Variants in SRP14 observed in about 807,000 individuals in gnomAD.
SRP14 encodes signal recognition particle 14 kDa protein.
A neutral mutation model predicts 16.0 loss-of-function variants in SRP14; 1 was observed. The ratio of observed to expected loss-of-function variants is 0.06; its 90% CI spans 0.02 to 0.30. The LOEUF (loss-of-function observed/expected upper bound fraction) is 0.30. Among genes scored for constraint, SRP14 ranks in the 10% least tolerant of loss-of-function variants. SRP14 has a pLI of 1.00. For synonymous variants in SRP14, 67 were observed against 60.1 expected (o/e 1.12, Z -0.53); for missense variants, 120 against 163.1 (o/e 0.74, Z 1.44).
At chr15:40,039,041 C>A (rs1308402527) in intron 1 of SRP14, 52 bp downstream of exon 1, 1 of 1,606,472 alleles carries the variant, frequency 6.2e-7, no homozygotes, top group Non-Finnish European at 8.5e-7. Context: ...GCACAGGTCT[C>A]GAGTAACGCC....
At chr15:40,038,223 A>G in intron 3 of SRP14, 59 bp downstream of exon 3, 1 of 1,378,152 alleles carries the variant, frequency 7.3e-7, no homozygotes, top group Non-Finnish European at 1.0e-6. Context: ...GAAACGCCCC[A>G]TCCTCTGTTA....
At chr15:40,037,081 C>A in intron 3 of SRP14, 63 bp from the exon 4 acceptor site, 1 of 1,554,576 alleles carries the variant, frequency 6.4e-7, no homozygotes. Flanking sequence ...TTCTCCACCC[C>A]AGATAGTATC....
Position 40,036,288 on chromosome 15 carries a change from T to C in SRP14, c.*45A>G, listed in dbSNP as rs935950622. On this transcript the variant is annotated 3_prime_UTR_variant, in exon 5 of 5. Coordinates refer to ENST00000267884, the MANE Select transcript of SRP14 (RefSeq NM_003134.6). ...TAGCTATCTGGCCAAAAGGAAAAAA[T>C]AGCAATTCAGTGGTTAATTGGTGAA... The C allele has an allele frequency of 2.4e-5, 38 of 1,604,674 alleles. No homozygotes were observed. The highest frequency in any genetic ancestry group is 3.0e-5 in the Non-Finnish European group (35 of 1,172,540).
In SRP14 at chr15:40,039,121, G is replaced by T; in HGVS notation, c.-5C>A. 1.9e-6 allele frequency: 3 copies of T among 1,611,120 alleles called. No individual in the cohort carries two copies. The highest frequency in any genetic ancestry group is 2.5e-6 in the Non-Finnish European group (3 of 1,179,148). On this transcript the variant is annotated 5_prime_UTR_variant, in exon 1 of 5. Transcript: ENST00000267884. ...CTCGCTCTCCAACAACACCATCGCG[G>T]CGACGCTGGCTCGACTCCCTCCGCT...
chr15:40,036,530 G>A (rs2035626365), intron 4 of SRP14, 30 bp from the exon 5 acceptor site: 2 of 1,600,298 alleles, frequency 1.2e-6, no homozygotes. Flanking sequence ...ATACCTTAGT[G>A]GGAAGATGTG....
At chr15:40,038,194 CAAAT>C (rs1051759438) in intron 3 of SRP14, 84 bp downstream of exon 3, 100 of 1,107,226 alleles carry the variant, frequency 9.0e-5, no homozygotes, top group Middle Eastern at 5.8e-4. Flanking sequence ...AAGGGAAAAA[CAAAT>C]AAAAGCCTGG....
At chr15:40,036,870 A>C in intron 4 of SRP14, 116 bp downstream of exon 4, 1 of 1,187,610 alleles carries the variant, frequency 8.4e-7, no homozygotes, top group Non-Finnish European at 1.2e-6. Context: ...CTTGAAACAT[A>C]CTGGTAAAAC....
Position 40,036,145 on chromosome 15 carries a change from A to T in SRP14, c.*188T>A. 9.8e-7 allele frequency: 1 copy of T among 1,019,138 alleles called. No homozygotes were observed. Among genetic ancestry groups the T allele is most frequent in the Non-Finnish European group, 1.4e-6 (1 of 698,578 alleles). 63.1% of individuals were successfully genotyped at this position (1,019,138 alleles called of 1,614,324 possible). A position where few individuals can be genotyped will look rare whatever the true frequency, so the allele number is the denominator to read the frequency against. On this transcript the variant is annotated 3_prime_UTR_variant, in exon 5 of 5. Coordinates refer to ENST00000267884, the MANE Select transcript of SRP14 (RefSeq NM_003134.6). ...TATAACCATGCAGCACAGACCAATT[A>T]GCCAAATGCAAAATAAACTAGATTC...
At chr15:40,038,252 T>A in intron 3 of SRP14, 30 bp downstream of exon 3, 1 of 1,547,948 alleles carries the variant, frequency 6.5e-7, no homozygotes, top group East Asian at 2.2e-5. Context: ...TCTTTACATT[T>A]CAAAAGACAG....
intron 3 of SRP14, chr15:40,037,489 C>T: frequency 2.2e-6 from 1 of 464,852 alleles, no homozygotes; most frequent in Non-Finnish European, 3.1e-6. Context: ...ACAATGCGAG[C>T]TACCACAAAA....
intron 4 of SRP14, 99 bp from the exon 5 acceptor site, chr15:40,036,599 G>A (rs1234143240): frequency 1.7e-6 from 2 of 1,193,152 alleles, no homozygotes; most frequent in Non-Finnish European, 2.4e-6. Context: ...CAAAAATCAG[G>A]AAAGAATATA....
chr15:40,036,379 G>A lies in SRP14; in HGVS notation c.365C>T (p.Thr122Ile). ...AAAAAPAAAATAPTTAATTAA... is the reference protein window; with the variant it reads ...AAAAAPAAAAIAPTTAATTAA... The stretch of plus-strand genomic sequence containing the variant: ...TGTTGTTGCTGCTGTTGTTGGTGCT[G>A]TTGCTGCTGCGGCAGGTGCTGCTGC... Residue 122 changes from threonine to isoleucine, a missense_variant, in exon 5 of 5, where the codon ACA (threonine) becomes ATA (isoleucine). Thr to Ile is a moderately conservative substitution (Grantham distance 89). Transcript: ENST00000267884. The A allele has an allele frequency of 1.9e-6, 3 of 1,612,886 alleles. No homozygotes were observed. The highest frequency in any genetic ancestry group is 2.3e-5 in the East Asian group (1 of 44,438).
In SRP14 at chr15:40,038,943, C is replaced by T; in HGVS notation, c.30G>A (p.Leu10=). Residue 10 remains leucine, a synonymous_variant, in exon 2 of 5, where the codon CTG becomes CTA. Transcript: ENST00000267884. ...TCTGGAAAAGTCTGGTCAGCTCCGT[C>T]AGGAACTGGAAAACAACAGGCCCAG... The part of the protein sequence containing the change: MVLLESEQF[L]TELTRLFQKC... 6.2e-7 allele frequency: 1 copy of T among 1,612,468 alleles called. No individual in the cohort carries two copies. Among genetic ancestry groups the T allele is most frequent in the Non-Finnish European group, 8.5e-7 (1 of 1,179,356 alleles).
At position 40,036,185 on chromosome 15, in the gene SRP14, C is replaced by T; in HGVS notation, c.*148G>A. On this transcript the variant is annotated 3_prime_UTR_variant, in exon 5 of 5. Transcript: ENST00000267884. The stretch of plus-strand genomic sequence containing the variant: ...AAACTAGATTCTTACCACAACTATC[C>T]TATAAACACTGCAACTATTCTTTCC... 1 of 1,375,874 alleles carries T rather than the reference C, an allele frequency of 7.3e-7. No homozygotes were observed. Among genetic ancestry groups the T allele is most frequent in the South Asian group, 1.4e-5 (1 of 72,348 alleles). The allele number at this position is 1,375,874 out of a possible 1,614,324, so 85.2% of individuals were successfully genotyped here. A position where few individuals can be genotyped will look rare whatever the true frequency, so the allele number is the denominator to read the frequency against.
chr15:40,038,854 C>T, intron 2 of SRP14, 22 bp downstream of exon 2: 1 of 1,612,314 alleles, frequency 6.2e-7, no homozygotes, highest in Non-Finnish European at 8.5e-7. Context: ...GAGCATCGCC[C>T]GGCTCCCCTC....
intron 3 of SRP14, chr15:40,037,454 T>A: frequency 2.5e-6 from 2 of 809,408 alleles, no homozygotes; most frequent in Non-Finnish European, 3.3e-6. Flanking sequence ...AAACCTGCCT[T>A]CCATTAATTC....
At chr15:40,036,559 G>C in intron 4 of SRP14, 59 bp from the exon 5 acceptor site, 2 of 1,544,232 alleles carry the variant, frequency 1.3e-6, no homozygotes, top group Non-Finnish European at 8.9e-7. Flanking sequence ...CAGAACACCA[G>C]CCCTATCTGC....
At position 40,036,300 on chromosome 15, in the gene SRP14, G is replaced by C. The variant is rs200415110; in HGVS notation, c.*33C>G. On this transcript the variant is annotated 3_prime_UTR_variant, in exon 5 of 5. Coordinates refer to ENST00000267884, the MANE Select transcript of SRP14 (RefSeq NM_003134.6). ...CAAAAGGAAAAAATAGCAATTCAGTGGTTAATTGGTGAAAGCAGGAAATGT... is the reference window on the plus strand; with the variant it reads ...CAAAAGGAAAAAATAGCAATTCAGTCGTTAATTGGTGAAAGCAGGAAATGT... 39 of 1,608,932 alleles carry C rather than the reference G, an allele frequency of 2.4e-5. No homozygotes were observed. In the African/African-American group the frequency reaches 5.2e-4, roughly 21 times the overall value.
chr15:40,036,383 C>CTGCTGCGGCAGG lies in SRP14; in HGVS notation c.349_360dup (p.Pro117_Ala120dup), dbSNP rs1567013994. The CTGCTGCGGCAGG allele has an allele frequency of 1.2e-6, 2 of 1,613,288 alleles. No homozygotes were observed. The highest frequency in any genetic ancestry group is 8.5e-7 in the Non-Finnish European group (1 of 1,179,476). On this transcript the variant is annotated inframe_insertion, in exon 5 of 5. Coordinates refer to ENST00000267884, the MANE Select transcript of SRP14 (RefSeq NM_003134.6). Reference sequence around the variant, plus strand: ...GTTGCTGCTGTTGTTGGTGCTGTTGCTGCTGCGGCAGGTGCTGCTGCTGCT... The same window carrying CTGCTGCGGCAGG: ...GTTGCTGCTGTTGTTGGTGCTGTTGCTGCTGCGGCAGGTGCTGCGGCAGGTGCTGCTGCTGCT...
Sources: gnomAD v4.1 joint callset for allele counts on GRCh38, gnomAD v4.1.1 for gene constraint, MANE v1.5 for transcripts, NCBI Gene and HGNC (gene_info 2026-07-23, HGNC 2026-07-21) for gene names.